The following AMPD2 variants were observed in gnomAD, a reference collection of about 807,000 sequenced individuals.
AMPD2 encodes the protein adenosine monophosphate deaminase 2.
Under a neutral mutation model 91.3 loss-of-function variants are expected in AMPD2, and 52 were observed. That is an observed-to-expected ratio of 0.57 (90% CI 0.46 to 0.72). The LOEUF is 0.72. Ranked by LOEUF, AMPD2 falls within the 30% of genes least tolerant of loss-of-function variation. AMPD2 has a pLI of 0.00. For synonymous variants in AMPD2, 455 were observed against 456.4 expected (o/e 1.00, Z 0.04); for missense variants, 822 against 1,122.3 (o/e 0.73, Z 3.82).
chr1:109,627,604 G>T (rs956869027), intron 9 of AMPD2, 86 bp downstream of exon 9: 16 of 1,556,012 alleles, frequency 1.0e-5, no homozygotes, highest in Non-Finnish European at 1.3e-5. Flanking sequence ...CCCATCACCT[G>T]GTGTCTTGCC....
chr1:109,620,210 C>A lies in AMPD2; in HGVS notation c.-331C>A. The A allele has an allele frequency of 6.2e-7, 1 of 1,613,626 alleles. No homozygotes were observed. Among genetic ancestry groups the A allele is most frequent in the South Asian group, 1.1e-5 (1 of 91,072 alleles). On this transcript the variant is annotated 5_prime_UTR_variant, in exon 1 of 19. Coordinates refer to ENST00000528667, the MANE Select transcript of AMPD2 (RefSeq NM_001368809.2). ...CCGATCCCCCTGCCGTCCCTCAGGACCCGGGCTTTCTGCTGTACAGACTTC... is the reference window on the plus strand; with the variant it reads ...CCGATCCCCCTGCCGTCCCTCAGGAACCGGGCTTTCTGCTGTACAGACTTC...
In AMPD2 at chr1:109,626,195, A is replaced by G. The variant is rs1397137718; in HGVS notation, c.389A>G (p.Asp130Gly). The change falls in exon 5 of 19, where the codon GAT (aspartate) becomes GGT (glycine). Residue 130 changes from aspartate to glycine, a missense_variant. By Grantham distance (94) the Asp-to-Gly change is moderately conservative. Transcript: ENST00000528667. ...GACATCCTGCTTCGGGCCAAGCAAG[A>G]TTTCCTGAAGACGGACAGTGACTCG... ...EPDILLRAKQ[D>G]FLKTDSDSDL... is the part of the protein sequence containing the mutation. 1 of 1,614,022 alleles carries G rather than the reference A, an allele frequency of 6.2e-7. No homozygotes were observed. Among genetic ancestry groups the G allele is most frequent in the African/African-American group, 1.3e-5 (1 of 74,898 alleles).
rs1570589148 is a variant in AMPD2 at position 109,627,558 on chromosome 1, A to G, written c.950+40A>G. 1.6e-5 allele frequency: 26 copies of G among 1,608,972 alleles called. No homozygotes were observed. The Middle Eastern group carries it at 2.6e-3, about 163-fold the overall frequency. The stretch of plus-strand genomic sequence containing the variant: ...ATCCCAGACACTTAGCTCCCCTCCC[A>G]GCCCAGATTCTCCAGCCCCAGTTCT... On this transcript the variant is annotated intron_variant, in intron 9 of 18. Coordinates refer to ENST00000528667, the MANE Select transcript of AMPD2 (RefSeq NM_001368809.2).
In AMPD2 at chr1:109,619,930, C is replaced by T. The variant is rs866016453; in HGVS notation, c.-611C>T. The T allele has an allele frequency of 8.1e-6, 3 of 371,398 alleles. No individual in the cohort carries two copies. Among genetic ancestry groups the T allele is most frequent in the African/African-American group, 6.5e-5 (3 of 46,368 alleles). The allele number at this position is 371,398 out of a possible 1,614,324, so 23.0% of individuals were successfully genotyped here. On this transcript the variant is annotated 5_prime_UTR_variant, in exon 1 of 19. Transcript: ENST00000528667. Reference sequence around the variant, plus strand: ...CACAGTCCGGCCGCGGGAGTCCGACCCTGAATGCCCAGGGAGTGTTGAGAG... The same window carrying T: ...CACAGTCCGGCCGCGGGAGTCCGACTCTGAATGCCCAGGGAGTGTTGAGAG...
At chr1:109,620,847 G>A in intron 1 of AMPD2, 67 bp from the exon 2 acceptor site, 3 of 1,427,910 alleles carry the variant, frequency 2.1e-6, no homozygotes, top group Non-Finnish European at 2.8e-6. Context: ...TGGTGGGTTA[G>A]TGGAGAGCTG....
rs959698439 is a variant in AMPD2, at chr1:109,628,614, AT to A, written c.1408-28del. On this transcript the variant is annotated intron_variant, in intron 12 of 18. Coordinates refer to ENST00000528667, the MANE Select transcript of AMPD2 (RefSeq NM_001368809.2). The surrounding 1 kb of genome is among the most constrained non-coding windows in gnomAD (Gnocchi z 7.1). Reference sequence around the variant, plus strand: ...GAAGAGCTCTGACTCAGCTCACCTCATGTCTGACTCAGCTCACCTCATGTCT... The same window carrying A: ...GAAGAGCTCTGACTCAGCTCACCTCAGTCTGACTCAGCTCACCTCATGTCT... 7 of 1,611,376 alleles carry A rather than the reference AT, an allele frequency of 4.3e-6. No individual in the cohort carries two copies. In the African/African-American group the frequency reaches 9.4e-5, roughly 22 times the overall value.
chr1:109,620,043 G>T lies in AMPD2; in HGVS notation c.-498G>T, dbSNP rs1315745156. On this transcript the variant is annotated 5_prime_UTR_variant, in exon 1 of 19. Transcript: ENST00000528667. ...GCAGGGTTGGGTGGTCGCGACACCG[G>T]GGTCGCCTTGAGGCCAGTCCGGCTG... 2 of 572,252 alleles carry T rather than the reference G, an allele frequency of 3.5e-6. No homozygotes were observed. The highest frequency in any genetic ancestry group is 3.1e-5 in the East Asian group (1 of 31,912). The allele number at this position is 572,252 out of a possible 1,614,324, so 35.4% of individuals were successfully genotyped here.
chr1:109,622,041 C>T (rs1413969268), intron 2 of AMPD2: 2 of 368,412 alleles, frequency 5.4e-6, no homozygotes, highest in Admixed American at 3.3e-5. Flanking sequence ...GGATATCTGC[C>T]TGCTGTCTGC....
chr1:109,626,272 G>A (rs199618590), intron 5 of AMPD2, 44 bp downstream of exon 5: 654 of 1,613,234 alleles, frequency 4.1e-4, no homozygotes, highest in Admixed American at 7.5e-4. Context: ...GCTGCAGCCT[G>A]CCCTTCTGCC....
chr1:109,625,497 C>G lies in AMPD2; in HGVS notation c.222+64C>G. The G allele has an allele frequency of 1.9e-6, 3 of 1,608,236 alleles. No homozygotes were observed. The highest frequency in any genetic ancestry group is 2.6e-6 in the Non-Finnish European group (3 of 1,176,296). ...CCATGCCCTGCCTCTGCTCCCCACACCCCTCACCTCAAGCTGTCCCCTCAC... is the reference window on the plus strand; with the variant it reads ...CCATGCCCTGCCTCTGCTCCCCACAGCCCTCACCTCAAGCTGTCCCCTCAC... On this transcript the variant is annotated intron_variant, in intron 3 of 18. Transcript: ENST00000528667. This position sits in a 1 kb window ranked among gnomAD's most constrained non-coding sequence, Gnocchi z 4.0.
chr1:109,627,147 T>C (rs751970517), intron 7 of AMPD2, 28 bp from the exon 8 acceptor site: 3 of 1,611,528 alleles, frequency 1.9e-6, no homozygotes, highest in Non-Finnish European at 1.7e-6. Flanking sequence ...AGAGCCCTGC[T>C]CTGACTTTAC....
Position 109,627,234 on chromosome 1 carries a change from A to C in AMPD2, c.778A>C (p.Thr260Pro). The C allele has an allele frequency of 1.2e-6, 2 of 1,613,118 alleles. No homozygotes were observed. Among genetic ancestry groups the C allele is most frequent in the Non-Finnish European group, 1.7e-6 (2 of 1,179,520 alleles). Residue 260 changes from threonine (T) to proline (P), a missense_variant, in exon 8 of 19, where the codon ACC becomes CCC. This residue lies in a region of AMPD2 where 240 missense variants were observed against 270.3 expected (regional missense o/e 0.89). Coordinates refer to ENST00000528667, the MANE Select transcript of AMPD2 (RefSeq NM_001368809.2). ...QHPYEHCEPS[T>P]MPGDLGLGLR... is the part of the protein sequence containing the mutation. ...CCCGTATGAGCACTGTGAGCCAAGCACCATGCCTGGGGACCTGGGCTTGGG... is the reference window on the plus strand; with the variant it reads ...CCCGTATGAGCACTGTGAGCCAAGCCCCATGCCTGGGGACCTGGGCTTGGG...
Position 109,628,876 on chromosome 1 carries a change from C to G in AMPD2, c.1571+70C>G. Reference sequence around the variant, plus strand: ...AAGGGGTCAGGGCCTGCCTCCTGCCCTCCTAGGATGGCTGAGCCTCCCTTG... The same window carrying G: ...AAGGGGTCAGGGCCTGCCTCCTGCCGTCCTAGGATGGCTGAGCCTCCCTTG... On this transcript the variant is annotated intron_variant, in intron 13 of 18. Coordinates refer to ENST00000528667, the MANE Select transcript of AMPD2 (RefSeq NM_001368809.2). The surrounding 1 kb of genome is among the most constrained non-coding windows in gnomAD (Gnocchi z 7.1). 6.7e-7 allele frequency: 1 copy of G among 1,501,080 alleles called. No homozygotes were observed. The highest frequency in any genetic ancestry group is 8.9e-7 in the Non-Finnish European group (1 of 1,117,900). The allele number at this position is 1,501,080 out of a possible 1,614,324, so 93.0% of individuals were successfully genotyped here.
In AMPD2 at chr1:109,620,290, T is replaced by C; in HGVS notation, c.-263+12T>C. On this transcript the variant is annotated intron_variant, in intron 1 of 18. Transcript: ENST00000528667. ...CATCATGGCCTCAGGTGAGTGTGTGTACGTGTGTTGGAGGGAGGGTCTCTG... is the reference window on the plus strand; with the variant it reads ...CATCATGGCCTCAGGTGAGTGTGTGCACGTGTGTTGGAGGGAGGGTCTCTG... 6.2e-7 allele frequency: 1 copy of C among 1,613,800 alleles called. No homozygotes were observed. The highest frequency in any genetic ancestry group is 1.3e-5 in the African/African-American group (1 of 75,018).
In AMPD2 at chr1:109,631,471, G is replaced by C. The variant is rs771643046; in HGVS notation, c.*319G>C. On this transcript the variant is annotated 3_prime_UTR_variant, in exon 19 of 19. Coordinates refer to ENST00000528667, the MANE Select transcript of AMPD2 (RefSeq NM_001368809.2). ...GTCCACAGGGGCTTGGGATGGTTGT[G>C]GGGGGCTGGCCCCTCTAGCCTTTCC... 8.8e-6 allele frequency: 4 copies of C among 454,644 alleles called. No homozygotes were observed. The highest frequency in any genetic ancestry group is 4.4e-5 in the East Asian group (1 of 22,930). 28.2% of individuals were successfully genotyped at this position (454,644 alleles called of 1,614,324 possible).
intron 2 of AMPD2, chr1:109,622,263 G>A (rs564390217): frequency 2.2e-6 from 1 of 456,324 alleles, no homozygotes; most frequent in African/African-American, 2.0e-5. Flanking sequence ...GGTGTCCCCT[G>A]GGTGGGGCCC....
chr1:109,622,518 T>C (rs1650347538), intron 2 of AMPD2, among the ~76,000 whole-genome samples: 1 of 152,170 alleles, frequency 6.6e-6, no homozygotes, highest in Non-Finnish European at 1.5e-5. Context: ...TGGCTTTTGC[T>C]TGACTTCTCC....
intron 2 of AMPD2, among the ~76,000 whole-genome samples, chr1:109,622,576 AG>A (rs1650350661): frequency 6.6e-6 from 1 of 152,176 alleles, no homozygotes; most frequent in African/African-American, 2.4e-5. Context: ...AGAAAGGACC[AG>A]TAGGCAGCTG....
Position 109,628,552 on chromosome 1 carries a change from G to T in AMPD2, c.1407+57G>T, listed in dbSNP as rs531906108. 22 of 1,612,468 alleles carry T rather than the reference G, an allele frequency of 1.4e-5. No individual in the cohort carries two copies. The East Asian group carries it at 2.7e-4, about 20-fold the overall frequency. On this transcript the variant is annotated intron_variant, in intron 12 of 18. Coordinates refer to ENST00000528667, the MANE Select transcript of AMPD2 (RefSeq NM_001368809.2). The surrounding 1 kb of genome is among the most constrained non-coding windows in gnomAD (Gnocchi z 7.1). Reference sequence around the variant, plus strand: ...AGCCTGAGGATCTGGGGGCTTTTAGGGGGTGAGACTCAAGGAGGGTAGGCA... The same window carrying T: ...AGCCTGAGGATCTGGGGGCTTTTAGTGGGTGAGACTCAAGGAGGGTAGGCA...
Sources: gnomAD v4.1 joint callset for allele counts (sites outside exome capture counted in the v4.1 genomes callset) on GRCh38, gnomAD v4.1.1 for gene constraint, gnomAD v4.1.1 regional missense constraint, Gnocchi (gnomAD v3.1) non-coding constraint, MANE v1.5 for transcripts, NCBI Gene and HGNC (gene_info 2026-07-23, HGNC 2026-07-21) for gene names.